GREB1: variants seen among roughly 807,000 people sequenced by gnomAD.
The protein encoded by GREB1 is growth regulating estrogen receptor binding 1, also known as protein GREB1.
GREB1 carries 106 observed loss-of-function variants against 200.7 expected under a neutral mutation model. The observed-to-expected ratio is 0.53, with a 90% CI of 0.45 to 0.62. The LOEUF is 0.62. Ranked by LOEUF, GREB1 falls within the 20% of genes least tolerant of loss-of-function variation. The probability of loss-of-function intolerance (pLI) is 0.00; values close to 1 mark genes in which losing one functional copy is unlikely to be tolerated. For missense variants in GREB1, 2,243 were observed against 2,556.8 expected (o/e 0.88, Z 2.65); for synonymous variants, 1,132 against 1,092.4 (o/e 1.04, Z -0.72).
intron 1 of GREB1, among the ~76,000 whole-genome samples, chr2:11,502,483 A>C (rs1673076065): frequency 6.6e-6 from 1 of 151,794 alleles, no homozygotes; most frequent in African/African-American, 2.4e-5. Flanking sequence ...TGGCCTCCCA[A>C]AGTGCTGGGA....
intron 4 of GREB1, among the ~76,000 whole-genome samples, 184 bp downstream of exon 4, chr2:11,566,840 A>G (rs998722635): frequency 6.6e-6 from 1 of 152,164 alleles, no homozygotes; most frequent in African/African-American, 2.4e-5. Flanking sequence ...AATGAGATGC[A>G]TTTACAGTAT....
chr2:11,534,370 TCAC>T (rs1421543973), intron 1 of GREB1, 116 bp downstream of exon 1: 3 of 152,170 alleles, frequency 2.0e-5, no homozygotes, highest in African/African-American at 4.8e-5. Context: ...GCAGAGGAAA[TCAC>T]CAGGCACACA....
chr2:11,572,160 C>T (rs931229638), intron 4 of GREB1, among the ~76,000 whole-genome samples: 12 of 152,334 alleles, frequency 7.9e-5, no homozygotes, highest in African/African-American at 1.7e-4. Context: ...TGGCCCTCTG[C>T]GCAGGGACAG....
chr2:11,637,850 G>A lies in GREB1; in HGVS notation c.5481G>A (p.Pro1827=), dbSNP rs762048925. ...AGCACCACAGCCACCTCTTCTTCCC[G>A]CTGTCCCTGAAGAACCATGACCACC... ...FLQHHSHLFF[P]LSLKNHDHPV... Residue 1827 remains proline (P), a synonymous_variant, in exon 31 of 33, where the codon CCG becomes CCA. Transcript: ENST00000381486. 1.4e-5 allele frequency: 22 copies of A among 1,614,018 alleles called. No individual in the cohort carries two copies. Among genetic ancestry groups the A allele is most frequent in the African/African-American group, 1.1e-4 (8 of 74,912 alleles).
chr2:11,612,534 A>G lies in GREB1; in HGVS notation c.3046A>G (p.Thr1016Ala). 6.2e-7 allele frequency: 1 copy of G among 1,612,992 alleles called. No individual in the cohort carries two copies. The highest frequency in any genetic ancestry group is 8.5e-7 in the Non-Finnish European group (1 of 1,179,648). The change falls in exon 19 of 33, where the codon ACT becomes GCT. Residue 1016 changes from threonine (T) to alanine (A), a missense_variant. Transcript: ENST00000381486. ...KIEDVEWRPQ[T>A]YLELEGLPCI... The stretch of plus-strand genomic sequence containing the variant: ...TGAGGATGTGGAGTGGAGACCCCAG[A>G]CTTACTTGGAGCTGGAGGGTCTGCC...
intron 11 of GREB1, among the ~76,000 whole-genome samples, 164 bp downstream of exon 11, chr2:11,593,290 T>G (rs1414916590): frequency 6.6e-6 from 1 of 152,246 alleles, no homozygotes; most frequent in Non-Finnish European, 1.5e-5. Flanking sequence ...CAGCCTTGAC[T>G]AGTGACTTAG....
intron 11 of GREB1, 55 bp downstream of exon 11, chr2:11,593,181 C>G (rs1370183117): frequency 8.0e-7 from 1 of 1,248,812 alleles, no homozygotes; most frequent in Non-Finnish European, 1.1e-6. Context: ...GTTCCCGGTC[C>G]CCTCCTTTGG....
chr2:11,556,385 G>A (rs1292878040), intron 1 of GREB1, 69 bp from the exon 2 acceptor site: 3 of 393,522 alleles, frequency 7.6e-6, no homozygotes, highest in Non-Finnish European at 1.3e-5. Context: ...TCTAAGAGGT[G>A]TCAGGCTCTG....
Position 11,637,773 on chromosome 2 carries a change from A to G in GREB1, c.5404A>G (p.Lys1802Glu). The change falls in exon 31 of 33, where the codon AAG becomes GAG. Residue 1802 changes from lysine to glutamate, a missense_variant. By Grantham distance (56) the Lys-to-Glu change is moderately conservative. Around this residue, in one of 3 missense-constraint regions of GREB1, gnomAD observed 478 missense variants for 616.3 expected, o/e 0.78. Coordinates refer to ENST00000381486, the MANE Select transcript of GREB1 (RefSeq NM_014668.4). ...CCAGTACATCTGTGCCCCGGACAGCAAGCACACGTTCCTCGCAGCGCCCGC... is the reference window on the plus strand; with the variant it reads ...CCAGTACATCTGTGCCCCGGACAGCGAGCACACGTTCCTCGCAGCGCCCGC... ...PAQYICAPDSKHTFLAAPAQL... is the reference protein window; with the variant it reads ...PAQYICAPDSEHTFLAAPAQL... 6.2e-7 allele frequency: 1 copy of G among 1,614,030 alleles called. No individual in the cohort carries two copies. The highest frequency in any genetic ancestry group is 8.5e-7 in the Non-Finnish European group (1 of 1,180,022).
chr2:11,564,150 A>G (rs967909495), intron 3 of GREB1, among the ~76,000 whole-genome samples: 1 of 152,162 alleles, frequency 6.6e-6, no homozygotes, highest in African/African-American at 2.4e-5. Context: ...TTATTTACGT[A>G]GGGGCCTGAG....
In GREB1 at chr2:11,629,912, C is replaced by CTT; in HGVS notation, c.4450-35_4450-34insTT. 2 of 1,606,444 alleles carry CTT rather than the reference C, an allele frequency of 1.2e-6. No homozygotes were observed. Among genetic ancestry groups the CTT allele is most frequent in the Non-Finnish European group, 1.7e-6 (2 of 1,174,584 alleles). On this transcript the variant is annotated intron_variant, in intron 25 of 32. Coordinates refer to ENST00000381486, the MANE Select transcript of GREB1 (RefSeq NM_014668.4). The surrounding 1 kb of genome is among the most constrained non-coding windows in gnomAD (Gnocchi z 5.2). ...GGTCTTCTGGGAAGCAGGCCGGACTCTGACGGCAAGCTCTGTCCTTTCCCC... is the reference window on the plus strand; with the variant it reads ...GGTCTTCTGGGAAGCAGGCCGGACTCTTTGACGGCAAGCTCTGTCCTTTCCCC...
At chr2:11,609,020 C>A (rs955564644) in intron 17 of GREB1, among the ~76,000 whole-genome samples, 2 of 152,146 alleles carry the variant, frequency 1.3e-5, no homozygotes, top group African/African-American at 4.8e-5. Context: ...GGGGGACTCA[C>A]CTAATTTGTC....
At chr2:11,484,296 A>G (rs1220486308) in intron 1 of GREB1, among the ~76,000 whole-genome samples, 1 of 152,264 alleles carries the variant, frequency 6.6e-6, no homozygotes, top group Non-Finnish European at 1.5e-5. Context: ...GAAACAATTA[A>G]ACGGAACACA....
intron 2 of GREB1, among the ~76,000 whole-genome samples, chr2:11,560,324 A>G (rs774906424): frequency 6.6e-6 from 1 of 152,204 alleles, no homozygotes; most frequent in Admixed American, 6.5e-5. Context: ...AGCCCTCTGG[A>G]TGGATGGACG....
At chr2:11,582,736 G>A (rs937575056) in intron 7 of GREB1, among the ~76,000 whole-genome samples, 37 of 152,232 alleles carry the variant, frequency 2.4e-4, no homozygotes, top group African/African-American at 8.9e-4. Context: ...GTTGAGTTGC[G>A]TTGAGCACAG....
Position 11,578,302 on chromosome 2 carries a change from A to G in GREB1, c.643A>G (p.Arg215Gly), listed in dbSNP as rs550055793. The G allele has an allele frequency of 2.5e-5, 40 of 1,612,668 alleles. No homozygotes were observed. Among genetic ancestry groups the G allele is most frequent in the South Asian group, 1.5e-4 (14 of 91,022 alleles). ...PLICWKGSEF[R>G]SRQIPASTCS... is the part of the protein sequence containing the mutation. Reference sequence around the variant, plus strand: ...TGTGCACCTTGCCCCCTTAGAGTTTAGAAGCCGGCAGATCCCCGCCAGTAC... The same window carrying G: ...TGTGCACCTTGCCCCCTTAGAGTTTGGAAGCCGGCAGATCCCCGCCAGTAC... The change falls in exon 6 of 33, where the codon AGA (arginine) becomes GGA (glycine). Residue 215 changes from arginine to glycine, a missense_variant. Physicochemically the swap from Arg to Gly is moderately radical, Grantham distance 125. Around this residue, in one of 3 missense-constraint regions of GREB1, gnomAD observed 1,178 missense variants for 1,387.4 expected, o/e 0.85. Transcript: ENST00000381486.
chr2:11,483,523 G>C (rs1358711250), intron 1 of GREB1, among the ~76,000 whole-genome samples: 1 of 151,852 alleles, frequency 6.6e-6, no homozygotes, highest in Non-Finnish European at 1.5e-5. Flanking sequence ...CCAGCACTTG[G>C]GACCCGGGAG....
At chr2:11,571,161 A>C (rs996780249) in intron 4 of GREB1, among the ~76,000 whole-genome samples, 1 of 152,172 alleles carries the variant, frequency 6.6e-6, no homozygotes, top group Admixed American at 6.5e-5. Context: ...AATATGGCAC[A>C]CAATGAGCCA....
At chr2:11,530,869 G>GA (rs1476894827), upstream of GREB1, among the ~76,000 whole-genome samples, 3 of 152,134 alleles carry the variant, frequency 2.0e-5, no homozygotes, top group African/African-American at 7.2e-5. Context: ...GCCAATGTGG[G>GA]AAGGCTGTGT....
Sources: allele counts gnomAD v4.1 joint callset (sites outside exome capture counted in the v4.1 genomes callset), GRCh38; gene constraint gnomAD v4.1.1; regional missense constraint gnomAD v4.1.1; non-coding constraint Gnocchi (gnomAD v3.1); transcripts MANE v1.5; gene names NCBI Gene and HGNC (gene_info 2026-07-23, HGNC 2026-07-21).